KALRN: variants seen among roughly 807,000 people sequenced by gnomAD.
KALRN encodes the protein kalirin RhoGEF kinase.
KALRN carries 70 observed loss-of-function variants against 353.7 expected under a neutral mutation model. That is an observed-to-expected ratio of 0.20 (90% CI 0.16 to 0.24). The LOEUF is 0.24. KALRN is among the 10% of genes least tolerant of loss of function. KALRN has a pLI of 1.00. For synonymous variants in KALRN, 1,391 were observed against 1,434.8 expected, an observed-to-expected ratio of 0.97 and a Z score of 0.69; for missense variants, 2,791 against 3,756.7, an observed-to-expected ratio of 0.74 and a Z score of 6.72.
intron 1 of KALRN, among the ~76,000 whole-genome samples, chr3:124,043,332 GT>G (rs989545698): frequency 2.6e-5 from 4 of 151,782 alleles, no homozygotes; most frequent in Non-Finnish European, 5.9e-5. Context: ...TTGAGGGGAG[GT>G]TTTTTTTAGG....
chr3:124,518,861 T>C, intron 33 of KALRN: 1 of 1,038,898 alleles, frequency 9.6e-7, no homozygotes, highest in Non-Finnish European at 1.2e-6. Flanking sequence ...GACACACTTA[T>C]CTCTGAAGTT....
chr3:124,342,737 A>G (rs1053501050), intron 9 of KALRN, among the ~76,000 whole-genome samples: 1 of 152,240 alleles, frequency 6.6e-6, no homozygotes, highest in African/African-American at 2.4e-5. Flanking sequence ...ATTATTGAGT[A>G]CTATTTCCCA....
intron 34 of KALRN, among the ~76,000 whole-genome samples, chr3:124,618,399 G>A (rs1014422705): frequency 6.6e-6 from 1 of 152,074 alleles, no homozygotes; most frequent in African/African-American, 2.4e-5. Flanking sequence ...ATAGGCGTGA[G>A]CCACCGCGCC....
At chr3:124,584,608 C>G in intron 34 of KALRN, 1 of 1,397,098 alleles carries the variant, frequency 7.2e-7, no homozygotes, top group South Asian at 1.6e-5. Context: ...GGAACTCCGC[C>G]CCTTAGGCCC....
intron 5 of KALRN, among the ~76,000 whole-genome samples, chr3:124,282,592 G>C (rs1021562276): frequency 6.6e-6 from 1 of 152,046 alleles, no homozygotes; most frequent in Non-Finnish European, 1.5e-5. Context: ...GGTCAGGCTG[G>C]TCTTGAACTA....
chr3:124,353,708 C>T (rs554653558), intron 10 of KALRN, among the ~76,000 whole-genome samples: 1 of 151,730 alleles, frequency 6.6e-6, no homozygotes, highest in Non-Finnish European at 1.5e-5. Context: ...TAAATAGATG[C>T]TTTTTCACAC....
intron 16 of KALRN, among the ~76,000 whole-genome samples, chr3:124,433,554 T>C (rs2093355937): frequency 6.8e-6 from 1 of 147,710 alleles, no homozygotes; most frequent in South Asian, 2.1e-4. Context: ...GATTGCACCA[T>C]TGCACTGCAC....
chr3:124,670,496 CTTCT>C (rs1239022719), intron 47 of KALRN, among the ~76,000 whole-genome samples: 2 of 152,126 alleles, frequency 1.3e-5, no homozygotes, highest in Non-Finnish European at 2.9e-5. Flanking sequence ...CAGGGCCAGG[CTTCT>C]ACTTACAGAG....
At chr3:124,307,134 T>G (rs1248404834) in intron 6 of KALRN, among the ~76,000 whole-genome samples, 1 of 152,120 alleles carries the variant, frequency 6.6e-6, no homozygotes, top group Non-Finnish European at 1.5e-5. Context: ...CTTTTTTCTC[T>G]TAATTGATTT....
chr3:124,462,734 G>T, intron 25 of KALRN, 101 bp downstream of exon 25: 2 of 657,832 alleles, frequency 3.0e-6, no homozygotes, highest in South Asian at 1.9e-5. Flanking sequence ...AATCTTATCT[G>T]GTCAGTTTTC....
chr3:124,323,017 G>C (rs2079504889), intron 6 of KALRN, among the ~76,000 whole-genome samples: 1 of 152,196 alleles, frequency 6.6e-6, no homozygotes, highest in Non-Finnish European at 1.5e-5. Context: ...GAGGGATACT[G>C]CCTCTACTTC....
intron 10 of KALRN, among the ~76,000 whole-genome samples, chr3:124,375,730 CAGTT>C (rs1219412495): frequency 6.6e-6 from 1 of 152,136 alleles, no homozygotes; most frequent in Non-Finnish European, 1.5e-5. Flanking sequence ...AAAATGTTAA[CAGTT>C]AATTATTTCT....
At chr3:124,436,864 C>G (rs1219256437) in intron 17 of KALRN, among the ~76,000 whole-genome samples, 3 of 142,132 alleles carry the variant, frequency 2.1e-5, no homozygotes, top group African/African-American at 8.0e-5. Flanking sequence ...GAAGTCACCT[C>G]AAGTTTGGTG....
chr3:124,392,779 AT>A (rs1426612136), intron 11 of KALRN, among the ~76,000 whole-genome samples: 112 of 140,266 alleles, frequency 8.0e-4, no homozygotes, highest in African/African-American at 2.5e-3. Context: ...TAATTTTTGT[AT>A]TTTTTTTTAT....
chr3:124,459,962 G>A (rs1009563521), intron 23 of KALRN, among the ~76,000 whole-genome samples: 5 of 152,108 alleles, frequency 3.3e-5, no homozygotes, highest in Non-Finnish European at 5.9e-5. Flanking sequence ...CCCAGCTCTC[G>A]GGACTAGAAG....
chr3:124,584,796 C>T, intron 34 of KALRN: 2 of 1,588,878 alleles, frequency 1.3e-6, no homozygotes, highest in Middle Eastern at 1.7e-4. Context: ...CCGTGCCATG[C>T]GGGAGCGCTG....
At chr3:124,699,313 G>A (rs1228463438) in intron 55 of KALRN, among the ~76,000 whole-genome samples, 1 of 152,124 alleles carries the variant, frequency 6.6e-6, no homozygotes, top group Non-Finnish European at 1.5e-5. Context: ...TATTTCTGAG[G>A]CTCAGTTTCT....
chr3:124,106,216 A>C (rs1405948138), intron 1 of KALRN, among the ~76,000 whole-genome samples: 1 of 152,186 alleles, frequency 6.6e-6, no homozygotes, highest in Non-Finnish European at 1.5e-5. Context: ...GAAGGAAGAA[A>C]GAGTGCTTAG....
At chr3:124,152,507 G>A (rs1400678411) in intron 1 of KALRN, 1 of 776,646 alleles carries the variant, frequency 1.3e-6, no homozygotes, top group Non-Finnish European at 2.3e-6. Flanking sequence ...CTGTACATCT[G>A]CCTATATTCC....
Sources: gnomAD v4.1 joint callset for allele counts (sites outside exome capture counted in the v4.1 genomes callset) on GRCh38, gnomAD v4.1.1 for gene constraint, MANE v1.5 for transcripts, NCBI Gene and HGNC (gene_info 2026-07-23, HGNC 2026-07-21) for gene names.